EZH2: variants seen among roughly 807,000 people sequenced by gnomAD.
EZH2 encodes enhancer of zeste 2 polycomb repressive complex 2 subunit, also known as histone-lysine N-methyltransferase EZH2.
A neutral mutation model predicts 98.4 loss-of-function variants in EZH2; 18 were observed. The observed-to-expected ratio is 0.18, with a 90% confidence interval of 0.13 to 0.27. The LOEUF is 0.27. Among genes scored for constraint, EZH2 ranks in the 10% least tolerant of loss-of-function variants. The pLI is 1.00. For synonymous variants in EZH2, 338 were observed against 312.3 expected (o/e 1.08, Z -0.87); for missense variants, 470 against 935.1 (o/e 0.50, Z 6.49).
chr7:148,832,815 T>C (rs1174711231), intron 3 of EZH2, 65 bp from the exon 4 acceptor site: 1 of 1,014,428 alleles, frequency 9.9e-7, no homozygotes, highest in Non-Finnish European at 1.5e-6. Context: ...GTAGCCATCA[T>C]ATTGTAAAGA....
chr7:148,807,867 G>A (rs975174483), intron 19 of EZH2, among the ~76,000 whole-genome samples, 161 bp from the exon 20 acceptor site: 7 of 150,260 alleles, frequency 4.7e-5, no homozygotes, highest in South Asian at 2.1e-4. Context: ...CCTGCATAAC[G>A]GCACATTCAT....
intron 1 of EZH2, among the ~76,000 whole-genome samples, chr7:148,866,636 A>G (rs1818563505): frequency 6.8e-6 from 1 of 146,902 alleles, no homozygotes; most frequent in East Asian, 1.9e-4. Context: ...ATGTATATAT[A>G]CATATACATA....
chr7:148,852,353 T>C lies in EZH2; in HGVS notation c.-7-5048A>G, dbSNP rs1815989059. 3.3e-5 allele frequency among the ~76,000 whole-genome samples: 5 copies of C among 152,222 alleles called. No individual in the cohort carries two copies. The South Asian group carries it at 1.0e-3, about 32-fold the overall frequency. On this transcript the variant is annotated intron_variant, in intron 1 of 19. Transcript: ENST00000320356. Reference sequence around the variant, plus strand: ...TATCCCACTAGAGTAGATGCTATGTTGTTTTTGCCACCCAGGGTCAATTCA... The same window carrying C: ...TATCCCACTAGAGTAGATGCTATGTCGTTTTTGCCACCCAGGGTCAATTCA...
chr7:148,860,332 G>GA (rs11325606), intron 1 of EZH2, among the ~76,000 whole-genome samples: 88 of 143,314 alleles, frequency 6.1e-4, no homozygotes, highest in East Asian at 2.1e-3. Flanking sequence ...GGGCATAGAA[G>GA]AAAAAAAAAA....
chr7:148,862,589 T>C (rs989839462), intron 1 of EZH2, among the ~76,000 whole-genome samples: 1 of 152,146 alleles, frequency 6.6e-6, no homozygotes, highest in Non-Finnish European at 1.5e-5. Flanking sequence ...GACCCTCTTT[T>C]AAGTAAAAAT....
Position 148,861,279 on chromosome 7 carries a change from T to C in EZH2, c.-7-13974A>G, listed in dbSNP as rs1050519056. ...TCTCACTCTGTCACCCAGGCTGGAGTGCAGTGGCGCAATCTTGGCTCACTG... is the reference window on the plus strand; with the variant it reads ...TCTCACTCTGTCACCCAGGCTGGAGCGCAGTGGCGCAATCTTGGCTCACTG... On this transcript the variant is annotated intron_variant, in intron 1 of 19. Coordinates refer to ENST00000320356, the MANE Select transcript of EZH2 (RefSeq NM_004456.5). Among the ~76,000 whole-genome samples, 17 of 150,758 alleles carry C rather than the reference T, an allele frequency of 1.1e-4. No homozygotes were observed. In the East Asian group the frequency reaches 3.1e-3, roughly 28 times the overall value.
intron 19 of EZH2, among the ~76,000 whole-genome samples, chr7:148,808,558 G>A (rs140223928): frequency 5.3e-5 from 8 of 152,286 alleles, no homozygotes; most frequent in Non-Finnish European, 1.2e-4. Flanking sequence ...GGTGGCCCAC[G>A]TGTCCCAGGC....
intron 1 of EZH2, among the ~76,000 whole-genome samples, chr7:148,859,595 G>GT (rs920719195): frequency 3.3e-5 from 5 of 151,994 alleles, no homozygotes; most frequent in Admixed American, 3.3e-4. Context: ...AACAATACAG[G>GT]TAAGTGAGTT....
At position 148,815,560 on chromosome 7, in the gene EZH2, A is replaced by G. The variant is rs1270467232; in HGVS notation, c.1506-14T>C. 1 of 1,613,566 alleles carries G rather than the reference A, an allele frequency of 6.2e-7. No individual in the cohort carries two copies. Among genetic ancestry groups the G allele is most frequent in the African/African-American group, 1.3e-5 (1 of 74,944 alleles). On this transcript the variant is annotated splice_polypyrimidine_tract_variant and intron_variant, in intron 12 of 19. Transcript: ENST00000320356. ...GCAGCCCACAACCTGCAAAAACACA[A>G]AGAAAATTAAACCAAATTTCTGCGG... is the stretch of plus-strand genomic sequence containing the variant.
intron 1 of EZH2, among the ~76,000 whole-genome samples, chr7:148,876,592 G>A (rs572249048): frequency 1.4e-5 from 2 of 147,082 alleles, no homozygotes; most frequent in East Asian, 2.1e-4. Context: ...GATACATAAG[G>A]ATGTTCACTT....
intron 1 of EZH2, among the ~76,000 whole-genome samples, chr7:148,870,641 G>A (rs982986572): frequency 1.5e-4 from 22 of 151,354 alleles, no homozygotes; most frequent in African/African-American, 5.1e-4. Flanking sequence ...GGTCAAGGCT[G>A]CAGTGAGCCA....
chr7:148,818,639 A>G (rs915040663), intron 9 of EZH2, among the ~76,000 whole-genome samples: 4 of 152,202 alleles, frequency 2.6e-5, no homozygotes, highest in African/African-American at 7.2e-5. Context: ...TTCCTGTCTT[A>G]CTATTAAAAC....
intron 3 of EZH2, among the ~76,000 whole-genome samples, chr7:148,841,746 A>C (rs956771728): frequency 1.3e-5 from 2 of 152,216 alleles, no homozygotes; most frequent in Non-Finnish European, 2.9e-5. Flanking sequence ...TTTACAATTA[A>C]CTGAAGGAAC....
chr7:148,883,649 G>A (rs1821360539), intron 1 of EZH2: 2 of 150,828 alleles, frequency 1.3e-5, no homozygotes, highest in South Asian at 4.1e-4. Context: ...GGGCCCGGGT[G>A]TCATGCCCCT....
At chr7:148,830,651 G>A (rs1485282971) in intron 4 of EZH2, among the ~76,000 whole-genome samples, 2 of 152,172 alleles carry the variant, frequency 1.3e-5, no homozygotes, top group Non-Finnish European at 2.9e-5. Context: ...AGATGAATGA[G>A]ATGAATATCA....
At chr7:148,829,601 C>T (rs1808744228) in intron 5 of EZH2, 127 bp downstream of exon 5, 1 of 1,007,016 alleles carries the variant, frequency 9.9e-7, no homozygotes, top group Non-Finnish European at 1.4e-6. Flanking sequence ...CAGGTTCAGT[C>T]CCTTATAGTT....
chr7:148,863,720 G>A (rs1308558157), intron 1 of EZH2, among the ~76,000 whole-genome samples: 1 of 152,146 alleles, frequency 6.6e-6, no homozygotes, highest in East Asian at 1.9e-4. Context: ...ATTACTGTGA[G>A]GGACTCAAAT....
intron 1 of EZH2, among the ~76,000 whole-genome samples, chr7:148,857,504 C>A (rs1254760829): frequency 3.3e-5 from 5 of 152,190 alleles, no homozygotes; most frequent in Non-Finnish European, 5.9e-5. Context: ...TTAATCCCAG[C>A]ACTTTGGGAG....
chr7:148,843,203 C>T (rs1349349420), intron 3 of EZH2, among the ~76,000 whole-genome samples: 2 of 137,460 alleles, frequency 1.5e-5, no homozygotes, highest in East Asian at 2.1e-4. Context: ...AACGAAACTC[C>T]GTCTCAAAAA....
Sources: allele counts gnomAD v4.1 joint callset (sites outside exome capture counted in the v4.1 genomes callset), GRCh38; gene constraint gnomAD v4.1.1; transcripts MANE v1.5; gene names NCBI Gene and HGNC (gene_info 2026-07-23, HGNC 2026-07-21).